MALRD1: variants seen among roughly 807,000 people sequenced by gnomAD.
MALRD1 encodes the protein MAM and LDL-receptor class A domain-containing protein 1.
A neutral mutation model predicts 242.1 loss-of-function variants in MALRD1; 247 were observed. That is an observed-to-expected ratio of 1.02 (90% CI 0.92 to 1.13). The LOEUF is 1.13. Ranked by LOEUF, MALRD1 falls within the 50% of genes most tolerant of loss-of-function variation. MALRD1 has a pLI of 0.00. For synonymous variants in MALRD1, 995 were observed against 866.6 expected, an observed-to-expected ratio of 1.15 and a Z score of -2.60; for missense variants, 2,989 against 2,533.1, an observed-to-expected ratio of 1.18 and a Z score of -3.86.
intron 33 of MALRD1, among the ~76,000 whole-genome samples, chr10:19,589,430 A>T (rs1837639890): frequency 6.6e-6 from 1 of 152,184 alleles, no homozygotes; most frequent in African/African-American, 2.4e-5. Context: ...TATACAAAGA[A>T]TAAATCAGTT....
intron 36 of MALRD1, among the ~76,000 whole-genome samples, chr10:19,657,107 C>T (rs1841194780): frequency 6.6e-6 from 1 of 152,134 alleles, no homozygotes; most frequent in Non-Finnish European, 1.5e-5. Context: ...TCCTCATTCT[C>T]TCACAGTCTT....
intron 28 of MALRD1, among the ~76,000 whole-genome samples, chr10:19,433,273 C>T (rs982671614): frequency 3.3e-5 from 5 of 151,872 alleles, no homozygotes; most frequent in Non-Finnish European, 5.9e-5. Context: ...CCCATGAGGA[C>T]GTGATTCCGC....
At chr10:19,333,945 CT>C (rs1843495997) in intron 24 of MALRD1, among the ~76,000 whole-genome samples, 2 of 151,934 alleles carry the variant, frequency 1.3e-5, no homozygotes, top group Non-Finnish European at 2.9e-5. Context: ...TGTTTGTCTT[CT>C]TTTGAAAAGT....
chr10:19,239,678 A>G (rs539043790), intron 18 of MALRD1, among the ~76,000 whole-genome samples: 20 of 152,232 alleles, frequency 1.3e-4, no homozygotes, highest in Admixed American at 1.3e-3. Flanking sequence ...TTTTTGTATA[A>G]GGTAAAAGAT....
intron 29 of MALRD1, among the ~76,000 whole-genome samples, chr10:19,454,405 G>GATACATATAT (rs1554775337): frequency 3.7e-5 from 3 of 80,558 alleles, no homozygotes; most frequent in Admixed American, 3.7e-4. Context: ...TTATGCATAT[G>GATACATATAT]ATATATATAT....
intron 32 of MALRD1, among the ~76,000 whole-genome samples, chr10:19,538,557 A>G (rs2131369637): frequency 6.6e-6 from 1 of 152,250 alleles, no homozygotes; most frequent in East Asian, 1.9e-4. Context: ...ATATTATTTA[A>G]TTACAGCTAT....
chr10:19,660,946 G>A (rs1190640910), intron 36 of MALRD1, among the ~76,000 whole-genome samples: 1 of 151,820 alleles, frequency 6.6e-6, no homozygotes, highest in African/African-American at 2.4e-5. Context: ...TTTTTGTTTT[G>A]TAACAACCCC....
chr10:19,292,420 G>T (rs1009885975), intron 21 of MALRD1, among the ~76,000 whole-genome samples: 1 of 152,058 alleles, frequency 6.6e-6, no homozygotes, highest in African/African-American at 2.4e-5. Context: ...TGGTTGAGAA[G>T]CTATTTGTTT....
chr10:19,124,825 A>G (rs989701314), intron 7 of MALRD1, among the ~76,000 whole-genome samples, 155 bp downstream of exon 7: 1 of 151,796 alleles, frequency 6.6e-6, no homozygotes, highest in South Asian at 2.1e-4. Context: ...GAAAATAACA[A>G]TTATGTTTCC....
chr10:19,708,150 A>G (rs1833947239), intron 38 of MALRD1, among the ~76,000 whole-genome samples: 1 of 120,674 alleles, frequency 8.3e-6, no homozygotes, highest in Non-Finnish European at 1.9e-5. Flanking sequence ...TTAAGAGGAA[A>G]GCTTATTTGG....
chr10:19,384,884 G>T (rs1232438008), intron 26 of MALRD1, among the ~76,000 whole-genome samples: 1 of 151,010 alleles, frequency 6.6e-6, no homozygotes, highest in Non-Finnish European at 1.5e-5. Context: ...ACTGTTGAGT[G>T]TGATGTTTTA....
At chr10:19,464,991 A>T (rs1200053284) in intron 29 of MALRD1, among the ~76,000 whole-genome samples, 4 of 137,466 alleles carry the variant, frequency 2.9e-5, no homozygotes, top group Non-Finnish European at 4.7e-5. Flanking sequence ...AAAGTGGTTG[A>T]GTTCTTGATT....
At chr10:19,370,005 T>A (rs995438432) in intron 26 of MALRD1, among the ~76,000 whole-genome samples, 3 of 152,174 alleles carry the variant, frequency 2.0e-5, no homozygotes, top group African/African-American at 7.2e-5. Context: ...AGAGATATTC[T>A]ACTATATTTT....
chr10:19,634,214 T>C (rs1840030892), intron 36 of MALRD1, among the ~76,000 whole-genome samples: 1 of 152,082 alleles, frequency 6.6e-6, no homozygotes, highest in Non-Finnish European at 1.5e-5. Context: ...GTTATTCCTC[T>C]CATTTCCTGC....
At chr10:19,560,539 A>G (rs577355571) in intron 32 of MALRD1, among the ~76,000 whole-genome samples, 151 of 152,298 alleles carry the variant, frequency 9.9e-4, no homozygotes, top group African/African-American at 3.4e-3. Flanking sequence ...ACTATTCCCA[A>G]TAGCAAAGAC....
chr10:19,589,083 G>C (rs1227688780), intron 33 of MALRD1, among the ~76,000 whole-genome samples: 1 of 152,126 alleles, frequency 6.6e-6, no homozygotes, highest in African/African-American at 2.4e-5. Context: ...AATATTAAAA[G>C]GGATTTGGAG....
chr10:19,274,558 A>T (rs926187180), intron 19 of MALRD1, among the ~76,000 whole-genome samples: 1 of 152,176 alleles, frequency 6.6e-6, no homozygotes, highest in African/African-American at 2.4e-5. Flanking sequence ...AGTGGGCCAG[A>T]CACCACTTCT....
chr10:19,238,778 A>T (rs766681678), intron 18 of MALRD1, among the ~76,000 whole-genome samples: 19 of 149,118 alleles, frequency 1.3e-4, no homozygotes, highest in South Asian at 4.2e-4. Flanking sequence ...GTTTTTTTTT[A>T]AATTTTTTAA....
intron 12 of MALRD1, among the ~76,000 whole-genome samples, chr10:19,159,153 G>A (rs1170316918): frequency 1.3e-5 from 2 of 152,086 alleles, no homozygotes; most frequent in African/African-American, 4.8e-5. Context: ...AGCTTGTTCA[G>A]GAAAAGAATG....
Sources: gnomAD v4.1 joint callset for allele counts (sites outside exome capture counted in the v4.1 genomes callset) on GRCh38, gnomAD v4.1.1 for gene constraint, MANE v1.5 for transcripts, NCBI Gene and HGNC (gene_info 2026-07-23, HGNC 2026-07-21) for gene names.